Variants in TAPT1 observed in about 807,000 individuals in gnomAD.
The protein encoded by TAPT1 is transmembrane anterior posterior transformation protein 1 homolog.
TAPT1 carries 28 observed loss-of-function variants against 65.6 expected under a neutral mutation model. The observed-to-expected ratio is 0.43, with a 90% CI of 0.32 to 0.59. The LOEUF is 0.59. Among genes scored for constraint, TAPT1 ranks in the 20% least tolerant of loss-of-function variants. The pLI, the probability that TAPT1 is intolerant of heterozygous loss-of-function variation, is 0.09. For synonymous variants in TAPT1, 278 were observed against 245.2 expected, an observed-to-expected ratio of 1.13 and a Z score of -1.25; for missense variants, 563 against 679.9, an observed-to-expected ratio of 0.83 and a Z score of 1.91.
intron 3 of TAPT1, 25 bp downstream of exon 3, chr4:16,202,437 C>T (rs1303419588): frequency 7.8e-7 from 1 of 1,276,756 alleles, no homozygotes; most frequent in South Asian, 1.3e-5. Context: ...TATACATTTA[C>T]AATAGTTAAC....
In TAPT1 at chr4:16,214,837, G is replaced by A. The variant is rs373436707; in HGVS notation, c.200-939C>T. On this transcript the variant is annotated intron_variant, in intron 1 of 13. Transcript: ENST00000405303. ...TCCACTGTTCTCTTTGCTCTGAGCT[G>A]GCCTTGTGGTCCTTTCTACCAAATG... is the stretch of plus-strand genomic sequence containing the variant. Among the ~76,000 whole-genome samples, 96 of 152,280 alleles carry A rather than the reference G, an allele frequency of 6.3e-4. No individual in the cohort carries two copies. In the South Asian group the frequency reaches 0.02, roughly 31 times the overall value.
At chr4:16,221,391 G>C (rs993499999) in intron 1 of TAPT1, among the ~76,000 whole-genome samples, 3 of 152,162 alleles carry the variant, frequency 2.0e-5, no homozygotes, top group Admixed American at 2.0e-4. Flanking sequence ...CTCCCAAAGT[G>C]CTGGGATTAC....
intron 11 of TAPT1, among the ~76,000 whole-genome samples, chr4:16,172,197 T>C (rs1371185088): frequency 1.3e-5 from 2 of 152,148 alleles, no homozygotes; most frequent in Non-Finnish European, 2.9e-5. Context: ...CCATAAAAAC[T>C]CATTTAAAGA....
upstream of TAPT1, chr4:16,226,615 G>C: frequency 1.5e-5 from 5 of 336,224 alleles, no homozygotes; most frequent in Non-Finnish European, 1.7e-5. Context: ...TGGCGTCAGC[G>C]ACGCGTGTGA....
intron 2 of TAPT1, among the ~76,000 whole-genome samples, chr4:16,208,921 T>G (rs1392266289): frequency 1.3e-5 from 2 of 152,166 alleles, no homozygotes; most frequent in Admixed American, 1.3e-4. Flanking sequence ...TGGAGTACAG[T>G]TGCATGATCT....
intron 5 of TAPT1, among the ~76,000 whole-genome samples, chr4:16,187,099 G>A (rs1749065574): frequency 6.6e-6 from 1 of 152,126 alleles, no homozygotes; most frequent in African/African-American, 2.4e-5. Context: ...GTACCTCTAT[G>A]CATTCATTTA....
At chr4:16,225,162 T>C (rs1311077703) in intron 1 of TAPT1, among the ~76,000 whole-genome samples, 1 of 152,172 alleles carries the variant, frequency 6.6e-6, no homozygotes, top group Non-Finnish European at 1.5e-5. Flanking sequence ...CAAGACCGTC[T>C]GTAATTTTCC....
intron 3 of TAPT1, among the ~76,000 whole-genome samples, chr4:16,198,071 C>A (rs1749820282): frequency 6.6e-6 from 1 of 152,108 alleles, no homozygotes; most frequent in South Asian, 2.1e-4. Context: ...ACAACAGGGT[C>A]AAAGCCAGCA....
rs563897228 is a variant in TAPT1 at position 16,178,878 on chromosome 4, C to A, written c.997+699G>T. On this transcript the variant is annotated intron_variant, in intron 8 of 13. Coordinates refer to ENST00000405303, the MANE Select transcript of TAPT1 (RefSeq NM_153365.3). ...GAAGAGCAAAGGTTCTCCTGGTTAACCCCTAAGATGAAAACAATCTTTCTG... is the reference window on the plus strand; with the variant it reads ...GAAGAGCAAAGGTTCTCCTGGTTAAACCCTAAGATGAAAACAATCTTTCTG... 3.3e-5 allele frequency: 5 copies of A among 152,276 alleles called. No homozygotes were observed. The East Asian group carries it at 9.6e-4, about 29-fold the overall frequency. The allele number at this position is 152,276 out of a possible 1,614,324, so 9.4% of individuals were successfully genotyped here.
chr4:16,202,600 G>GA lies in TAPT1; in HGVS notation c.331-21dup, dbSNP rs1578461967. ...CATCAGCTGAATTTTAACAAGGAGA[G>GA]AAGAAAAAAAAAAAGTATTTTAAAA... On this transcript the variant is annotated intron_variant, in intron 2 of 13. Transcript: ENST00000405303. 70 of 1,179,946 alleles carry GA rather than the reference G, an allele frequency of 5.9e-5. No homozygotes were observed. The highest frequency in any genetic ancestry group is 2.6e-4 in the Admixed American group (8 of 30,520). 73.1% of individuals were successfully genotyped at this position (1,179,946 alleles called of 1,614,324 possible).
At chr4:16,222,192 G>A (rs1411495234) in intron 1 of TAPT1, among the ~76,000 whole-genome samples, 3 of 152,164 alleles carry the variant, frequency 2.0e-5, no homozygotes, top group Non-Finnish European at 4.4e-5. Flanking sequence ...GAGCACAAAT[G>A]AGCTGCTAGG....
intron 1 of TAPT1, 135 bp from the exon 2 acceptor site, chr4:16,214,033 A>G (rs555683282): frequency 1.5e-5 from 9 of 609,384 alleles, no homozygotes; most frequent in Non-Finnish European, 2.0e-5. Context: ...CTATGCCTAG[A>G]ACTGCACACA....
intron 7 of TAPT1, among the ~76,000 whole-genome samples, chr4:16,182,282 T>C (rs1748753918): frequency 6.6e-6 from 1 of 152,144 alleles, no homozygotes; most frequent in African/African-American, 2.4e-5. Flanking sequence ...TAATCAAACA[T>C]ATATTAGATA....
chr4:16,198,237 A>G (rs74817042), intron 3 of TAPT1, among the ~76,000 whole-genome samples: 3,227 of 152,326 alleles, frequency 0.021, 44 homozygotes, highest in Non-Finnish European at 0.032. Context: ...AAATAGGTTC[A>G]AATATTAAGT....
intron 12 of TAPT1, among the ~76,000 whole-genome samples, chr4:16,168,520 C>T (rs574281427): frequency 3.9e-5 from 6 of 152,278 alleles, no homozygotes; most frequent in African/African-American, 1.4e-4. Context: ...CCTGTGTCCC[C>T]ATGCCCTTCT....
chr4:16,191,099 C>A, intron 4 of TAPT1: 1 of 332,940 alleles, frequency 3.0e-6, no homozygotes, highest in Non-Finnish European at 5.5e-6. Flanking sequence ...GCCATGCCTG[C>A]AGGCTTGCCA....
At chr4:16,207,270 C>T (rs1750402818) in intron 2 of TAPT1, among the ~76,000 whole-genome samples, 1 of 152,194 alleles carries the variant, frequency 6.6e-6, no homozygotes, top group Non-Finnish European at 1.5e-5. Context: ...TGAGTAAATA[C>T]TCTCTATTAG....
At chr4:16,185,366 C>T (rs1463030220) in intron 7 of TAPT1, among the ~76,000 whole-genome samples, 2 of 149,780 alleles carry the variant, frequency 1.3e-5, no homozygotes, top group East Asian at 1.9e-4. Context: ...TTGGAATCAT[C>T]GTAATTTTTT....
chr4:16,166,885 G>A, intron 12 of TAPT1, 92 bp from the exon 13 acceptor site: 2 of 1,307,328 alleles, frequency 1.5e-6, no homozygotes, highest in Admixed American at 1.9e-5. Flanking sequence ...AGAAGGTGGG[G>A]GGGCATGGGA....
Sources: allele counts gnomAD v4.1 joint callset (sites outside exome capture counted in the v4.1 genomes callset), GRCh38; gene constraint gnomAD v4.1.1; transcripts MANE v1.5; gene names NCBI Gene and HGNC (gene_info 2026-07-23, HGNC 2026-07-21).